Variants in FOXP2 observed in about 807,000 individuals in gnomAD.
FOXP2 encodes the protein forkhead box P2.
A neutral mutation model predicts 115.8 loss-of-function variants in FOXP2; 12 were observed. The observed-to-expected ratio is 0.10, with a 90% CI of 0.07 to 0.17. The LOEUF is 0.17. Among genes scored for constraint, FOXP2 ranks in the 10% least tolerant of loss-of-function variants. The probability of loss-of-function intolerance (pLI) is 1.00; values close to 1 mark genes in which losing one functional copy is unlikely to be tolerated. For synonymous variants in FOXP2, 328 were observed against 297.7 expected, an observed-to-expected ratio of 1.10 and a Z score of -1.05; for missense variants, 629 against 843.5, an observed-to-expected ratio of 0.75 and a Z score of 3.15.
intron 1 of FOXP2, among the ~76,000 whole-genome samples, chr7:114,244,793 G>A (rs1030461450): frequency 6.6e-6 from 1 of 150,868 alleles, no homozygotes; most frequent in African/African-American, 2.5e-5. Context: ...ACGGAGTCTC[G>A]CTGTGTGGCC....
upstream of FOXP2, among the ~76,000 whole-genome samples, chr7:114,158,331 C>T (rs1398939350): frequency 1.3e-5 from 2 of 151,990 alleles, no homozygotes; most frequent in African/African-American, 4.8e-5. Context: ...ATGTCCTTTA[C>T]AGAGCTTGCA....
At chr7:114,111,808 T>A (rs1791274299) in intron 1 of FOXP2, among the ~76,000 whole-genome samples, 1 of 152,040 alleles carries the variant, frequency 6.6e-6, no homozygotes, top group Non-Finnish European at 1.5e-5. Context: ...GTGAGCTGCT[T>A]CGAAAAACTT....
intron 2 of FOXP2, among the ~76,000 whole-genome samples, chr7:114,532,466 T>C (rs1431935870): frequency 6.6e-6 from 1 of 151,876 alleles, no homozygotes; most frequent in Non-Finnish European, 1.5e-5. Flanking sequence ...ACAGAAACAG[T>C]ATGGCACACT....
chr7:114,175,663 A>G (rs899576485), intron 1 of FOXP2, among the ~76,000 whole-genome samples: 2 of 152,194 alleles, frequency 1.3e-5, no homozygotes, highest in Admixed American at 6.5e-5. Context: ...AAGACCTAAC[A>G]TCTTTACCTA....
intron 3 of FOXP2, among the ~76,000 whole-genome samples, chr7:114,565,878 C>G (rs898204910): frequency 6.6e-6 from 1 of 152,154 alleles, no homozygotes; most frequent in Non-Finnish European, 1.5e-5. Flanking sequence ...AACAAGAGAA[C>G]AACTTCTGTG....
chr7:114,176,820 A>T (rs1298233529), intron 1 of FOXP2, among the ~76,000 whole-genome samples: 1 of 152,028 alleles, frequency 6.6e-6, no homozygotes, highest in East Asian at 1.9e-4. Flanking sequence ...TGTACTCTAA[A>T]AGTCCCACCA....
intron 2 of FOXP2, among the ~76,000 whole-genome samples, chr7:114,330,776 G>A (rs1797689279): frequency 6.6e-6 from 1 of 151,950 alleles, no homozygotes; most frequent in Non-Finnish European, 1.5e-5. Flanking sequence ...GGAAAAAACA[G>A]TAAATCCGAC....
intron 2 of FOXP2, among the ~76,000 whole-genome samples, chr7:114,528,160 T>C (rs1037942602): frequency 1.1e-4 from 16 of 152,054 alleles, no homozygotes; most frequent in Admixed American, 6.6e-5. Context: ...AAGCGTATGC[T>C]CTATCCAAGA....
rs777361904 is a variant in FOXP2 at position 114,426,569 on chromosome 7, A to G, written c.58A>G (p.Met20Val). 1.9e-6 allele frequency: 3 copies of G among 1,611,604 alleles called. No homozygotes were observed. The highest frequency in any genetic ancestry group is 2.5e-6 in the Non-Finnish European group (3 of 1,178,372). The change falls in exon 2 of 17, where the codon ATG (methionine) becomes GTG (valine). Residue 20 changes from methionine (M) to valine (V), a missense_variant. By Grantham distance (21) the Met-to-Val change is conservative. Around this residue, in one of 9 missense-constraint regions of FOXP2, gnomAD observed 91 missense variants for 98.3 expected, o/e 0.93. Transcript: ENST00000350908. ...ISNSSMNQNGMSTLSSQLDAG... is the reference protein window; with the variant it reads ...ISNSSMNQNGVSTLSSQLDAG... ...CAACAGTTCAATGAATCAAAATGGA[A>G]TGAGCACTCTAAGCAGCCAATTAGA...
chr7:114,314,707 C>T (rs1228202790), intron 2 of FOXP2, among the ~76,000 whole-genome samples: 3 of 152,116 alleles, frequency 2.0e-5, no homozygotes, highest in Non-Finnish European at 2.9e-5. Flanking sequence ...AATGAGTAAA[C>T]ATGTGACCAC....
At chr7:114,175,063 T>G (rs570601894) in intron 1 of FOXP2, among the ~76,000 whole-genome samples, 87 of 152,078 alleles carry the variant, frequency 5.7e-4, no homozygotes, top group Non-Finnish European at 9.0e-4. Context: ...AATGCTTAAA[T>G]GAGGGATAAA....
chr7:114,518,935 A>G (rs1798478225), intron 2 of FOXP2, among the ~76,000 whole-genome samples: 3 of 152,306 alleles, frequency 2.0e-5, no homozygotes, highest in African/African-American at 7.2e-5. Context: ...GTCAGTTTGC[A>G]TCACCGTCAT....
intron 2 of FOXP2, among the ~76,000 whole-genome samples, chr7:114,460,172 G>T (rs1199397315): frequency 6.6e-6 from 1 of 151,868 alleles, no homozygotes; most frequent in Non-Finnish European, 1.5e-5. Context: ...CTCCTGCGAG[G>T]TGTCATGTAT....
intron 1 of FOXP2, among the ~76,000 whole-genome samples, chr7:114,163,879 T>C (rs561184806): frequency 2.0e-5 from 3 of 152,332 alleles, no homozygotes; most frequent in Non-Finnish European, 4.4e-5. Flanking sequence ...AATTTGACTT[T>C]TACTTAATAA....
At chr7:114,272,316 T>C (rs1298942933) in intron 1 of FOXP2, among the ~76,000 whole-genome samples, 1 of 151,608 alleles carries the variant, frequency 6.6e-6, no homozygotes, top group Non-Finnish European at 1.5e-5. Context: ...GCAATTTGTG[T>C]TCCTGAGAGA....
chr7:114,561,577 G>A (rs2129291276), intron 3 of FOXP2: 1 of 152,108 alleles, frequency 6.6e-6, no homozygotes, highest in East Asian at 1.9e-4. Flanking sequence ...ATTTAATTTT[G>A]TAAATTTGGA....
At chr7:114,152,927 G>T (rs200947197) in intron 1 of FOXP2, among the ~76,000 whole-genome samples, 1 of 152,086 alleles carries the variant, frequency 6.6e-6, no homozygotes, top group East Asian at 1.9e-4. Flanking sequence ...TGTCTACTTT[G>T]GTTTGGAACT....
chr7:114,236,942 C>G (rs916476596), intron 1 of FOXP2, among the ~76,000 whole-genome samples: 11 of 152,088 alleles, frequency 7.2e-5, no homozygotes, highest in African/African-American at 2.7e-4. Flanking sequence ...ATGCAACTGA[C>G]TCCATCCTAG....
At chr7:114,659,727 C>A in intron 13 of FOXP2, 54 bp downstream of exon 13, 2 of 1,326,906 alleles carry the variant, frequency 1.5e-6, no homozygotes, top group Non-Finnish European at 2.2e-6. Flanking sequence ...TTACAGATAG[C>A]ACAAGGAACA....
Sources: gnomAD v4.1 joint callset for allele counts (sites outside exome capture counted in the v4.1 genomes callset) on GRCh38, gnomAD v4.1.1 for gene constraint, gnomAD v4.1.1 regional missense constraint, MANE v1.5 for transcripts, NCBI Gene and HGNC (gene_info 2026-07-23, HGNC 2026-07-21) for gene names.